Variants in NLGN1 observed in about 807,000 individuals in gnomAD.
NLGN1 encodes the protein neuroligin-1.
In NLGN1, 12 loss-of-function variants were observed where a neutral mutation model predicts 65.5. That is an observed-to-expected ratio of 0.18 (90% CI 0.12 to 0.30). The LOEUF (loss-of-function observed/expected upper bound fraction) is 0.30. Among genes scored for constraint, NLGN1 ranks in the 10% least tolerant of loss-of-function variants. The pLI, the probability that NLGN1 is intolerant of heterozygous loss-of-function variation, is 1.00. For synonymous variants in NLGN1, 350 were observed against 359.5 expected, an observed-to-expected ratio of 0.97 and a Z score of 0.30; for missense variants, 750 against 1,007.1, an observed-to-expected ratio of 0.74 and a Z score of 3.46.
intron 4 of NLGN1, among the ~76,000 whole-genome samples, chr3:174,066,751 G>A (rs74765650): frequency 0.023 from 3,545 of 152,056 alleles, 122 homozygotes; most frequent in African/African-American, 0.077. Context: ...CTTGCTATGG[G>A]CAAGGTGTGA....
chr3:173,513,199 T>A (rs1733266792), intron 2 of NLGN1, among the ~76,000 whole-genome samples: 1 of 149,304 alleles, frequency 6.7e-6, no homozygotes, highest in Admixed American at 6.8e-5. Context: ...ATGGCTACAA[T>A]TCCCCTCCCT....
At chr3:173,632,850 T>G (rs74827319) in intron 3 of NLGN1, among the ~76,000 whole-genome samples, 1,314 of 13,020 alleles carry the variant, frequency 0.1, 4 homozygotes, top group Admixed American at 0.15. Flanking sequence ...TTTTTTTTTG[T>G]TTTTTTTTTT....
the NLGN1 span, among the ~76,000 whole-genome samples, chr3:174,293,426 A>G: frequency 6.6e-6 from 1 of 151,554 alleles, no homozygotes; most frequent in African/African-American, 2.4e-5. Flanking sequence ...GAGTTTATTA[A>G]TTGAAAGGAC....
intron 3 of NLGN1, among the ~76,000 whole-genome samples, chr3:173,623,521 T>C (rs1577592930): frequency 6.6e-6 from 1 of 152,146 alleles, no homozygotes; most frequent in Middle Eastern, 3.4e-3. Context: ...AGAGAATGTG[T>C]ACCAACAAGA....
intron 3 of NLGN1, among the ~76,000 whole-genome samples, chr3:173,616,531 G>T (rs1175496742): frequency 6.6e-6 from 1 of 152,106 alleles, no homozygotes; most frequent in Non-Finnish European, 1.5e-5. Context: ...GAAGATGTAG[G>T]CTTCAAATAA....
intron 1 of NLGN1, among the ~76,000 whole-genome samples, chr3:173,419,545 A>G (rs1005811158): frequency 6.6e-6 from 1 of 152,162 alleles, no homozygotes; most frequent in Non-Finnish European, 1.5e-5. Flanking sequence ...GAATTGGAAA[A>G]TAACAGTGCT....
intron 4 of NLGN1, among the ~76,000 whole-genome samples, chr3:173,895,072 C>T (rs1736098532): frequency 6.6e-6 from 1 of 151,948 alleles, no homozygotes; most frequent in African/African-American, 2.4e-5. Flanking sequence ...TTTTTTGGTG[C>T]CGGGAGGGGG....
intron 4 of NLGN1, among the ~76,000 whole-genome samples, chr3:174,009,118 T>C (rs938755680): frequency 1.3e-5 from 2 of 152,140 alleles, no homozygotes; most frequent in African/African-American, 4.8e-5. Flanking sequence ...TCCTGGTTCA[T>C]AGATGGAGGT....
chr3:174,064,283 A>G (rs1738031721), intron 4 of NLGN1, among the ~76,000 whole-genome samples: 1 of 152,198 alleles, frequency 6.6e-6, no homozygotes, highest in Admixed American at 6.6e-5. Context: ...AATTTAGTGT[A>G]AAATATTTTT....
chr3:173,709,875 G>T (rs1768675499), intron 3 of NLGN1, among the ~76,000 whole-genome samples: 1 of 151,006 alleles, frequency 6.6e-6, no homozygotes, highest in Non-Finnish European at 1.5e-5. Context: ...CTTAAGGGTG[G>T]AGTGCAGGTT....
chr3:174,261,171 CT>C (rs1474025932), intron 4 of NLGN1, among the ~76,000 whole-genome samples: 1 of 151,908 alleles, frequency 6.6e-6, no homozygotes, highest in East Asian at 1.9e-4. Flanking sequence ...GATGCAGGCT[CT>C]TTTTTGGTTC....
intron 3 of NLGN1, among the ~76,000 whole-genome samples, chr3:173,634,408 T>C (rs1041040216): frequency 1.3e-5 from 2 of 152,180 alleles, no homozygotes; most frequent in Admixed American, 6.6e-5. Context: ...GTGCCTCATG[T>C]AATATGTTTT....
At chr3:174,200,289 T>C (rs1392347626) in intron 4 of NLGN1, among the ~76,000 whole-genome samples, 1 of 152,238 alleles carries the variant, frequency 6.6e-6, no homozygotes, top group African/African-American at 2.4e-5. Context: ...TTAATAATTA[T>C]AAATAATGGC....
At chr3:174,129,221 T>G (rs1435853632) in intron 4 of NLGN1, among the ~76,000 whole-genome samples, 1 of 151,946 alleles carries the variant, frequency 6.6e-6, no homozygotes, top group Non-Finnish European at 1.5e-5. Context: ...TTAGAAGTGT[T>G]GAGGCCCAAA....
chr3:173,448,842 A>G (rs1333329404), intron 2 of NLGN1, among the ~76,000 whole-genome samples: 1 of 152,122 alleles, frequency 6.6e-6, no homozygotes, highest in East Asian at 1.9e-4. Flanking sequence ...TTTCTAGTTT[A>G]TTTGTGTATA....
chr3:174,200,548 C>A (rs1032319998), intron 4 of NLGN1, among the ~76,000 whole-genome samples: 1 of 152,024 alleles, frequency 6.6e-6, no homozygotes, highest in Non-Finnish European at 1.5e-5. Flanking sequence ...GTATAGCAGA[C>A]GAGGTGAAGC....
chr3:174,068,733 A>G (rs1320307826), intron 4 of NLGN1, among the ~76,000 whole-genome samples: 3 of 152,168 alleles, frequency 2.0e-5, no homozygotes, highest in Non-Finnish European at 4.4e-5. Context: ...TAGAGTCACC[A>G]TTTCGCTTTA....
chr3:173,905,297 C>G (rs987491402), intron 4 of NLGN1, among the ~76,000 whole-genome samples: 3 of 152,160 alleles, frequency 2.0e-5, no homozygotes, highest in African/African-American at 7.2e-5. Context: ...AAATTTGCAA[C>G]TTCAGCTGAA....
chr3:173,554,619 T>C (rs912261374), intron 2 of NLGN1, among the ~76,000 whole-genome samples: 3 of 152,216 alleles, frequency 2.0e-5, no homozygotes, highest in African/African-American at 7.2e-5. Context: ...TTATCACCAG[T>C]TTCTTCCTTT....
Sources: gnomAD v4.1 joint callset for allele counts (sites outside exome capture counted in the v4.1 genomes callset) on GRCh38, gnomAD v4.1.1 for gene constraint, MANE v1.5 for transcripts, NCBI Gene and HGNC (gene_info 2026-07-23, HGNC 2026-07-21) for gene names.